The following ERC2 variants were observed in gnomAD, a reference collection of about 807,000 sequenced individuals.
ERC2 encodes ERC protein 2.
ERC2 carries 42 observed loss-of-function variants against 114.8 expected under a neutral mutation model. The ratio of observed to expected loss-of-function variants is 0.37; its 90% CI spans 0.29 to 0.47. The LOEUF (loss-of-function observed/expected upper bound fraction) is 0.47, where lower values mean the gene tolerates loss of function less well. Ranked by LOEUF, ERC2 falls within the 20% of genes least tolerant of loss-of-function variation. The probability of loss-of-function intolerance (pLI) is 0.99; values close to 1 mark genes in which losing one functional copy is unlikely to be tolerated. For missense variants in ERC2, 939 were observed against 1,150.7 expected, an observed-to-expected ratio of 0.82 and a Z score of 2.66; for synonymous variants, 454 against 425.5, an observed-to-expected ratio of 1.07 and a Z score of -0.82.
At chr3:56,115,000 G>T (rs2079149127) in intron 6 of ERC2, among the ~76,000 whole-genome samples, 1 of 152,130 alleles carries the variant, frequency 6.6e-6, no homozygotes, top group African/African-American at 2.4e-5. Context: ...CCAATTCCTT[G>T]TATGGATAAC....
chr3:55,838,675 T>A (rs961102034), intron 14 of ERC2, among the ~76,000 whole-genome samples: 1 of 151,602 alleles, frequency 6.6e-6, no homozygotes, highest in African/African-American at 2.4e-5. Flanking sequence ...TTTGAAAAGA[T>A]CACTTAAGTT....
At chr3:55,954,108 AAAAAG>A (rs2067774912) in intron 12 of ERC2, among the ~76,000 whole-genome samples, 1 of 138,838 alleles carries the variant, frequency 7.2e-6, no homozygotes, top group Non-Finnish European at 1.6e-5. Flanking sequence ...AAAAAAAAAA[AAAAAG>A]GTTTCTTTGG....
chr3:56,177,749 T>A (rs2083058702), intron 3 of ERC2, among the ~76,000 whole-genome samples: 1 of 152,238 alleles, frequency 6.6e-6, no homozygotes, highest in Admixed American at 6.5e-5. Flanking sequence ...TTGGGTATGC[T>A]GCTTCCCCTC....
chr3:56,001,911 C>T (rs1345812346), intron 10 of ERC2, among the ~76,000 whole-genome samples: 3 of 152,022 alleles, frequency 2.0e-5, no homozygotes, highest in Non-Finnish European at 4.4e-5. Context: ...AGGGTGTTTT[C>T]GAGCTTGAAG....
intron 17 of ERC2, among the ~76,000 whole-genome samples, chr3:55,539,411 C>CT (rs1559619170): frequency 1.6e-4 from 8 of 49,054 alleles, no homozygotes; most frequent in African/African-American, 4.1e-4. Flanking sequence ...CTCTTTTTTT[C>CT]TTTCTTTTTT....
At chr3:55,790,198 C>T (rs1019972158) in intron 14 of ERC2, among the ~76,000 whole-genome samples, 2 of 152,126 alleles carry the variant, frequency 1.3e-5, no homozygotes, top group Non-Finnish European at 2.9e-5. Flanking sequence ...CCTTGCTCAT[C>T]TCTCAACACG....
At chr3:55,829,842 G>A (rs1559724731) in intron 14 of ERC2, among the ~76,000 whole-genome samples, 1 of 152,060 alleles carries the variant, frequency 6.6e-6, no homozygotes, top group Non-Finnish European at 1.5e-5. Context: ...TCGAACATTT[G>A]TGTCATTGGA....
At chr3:56,015,934 T>G (rs575128388) in intron 8 of ERC2, among the ~76,000 whole-genome samples, 1 of 152,348 alleles carries the variant, frequency 6.6e-6, no homozygotes, top group East Asian at 1.9e-4. Flanking sequence ...ACTGTGGTTT[T>G]GATTTGCATT....
At chr3:55,893,252 C>A (rs1221437793) in intron 13 of ERC2, among the ~76,000 whole-genome samples, 4 of 152,100 alleles carry the variant, frequency 2.6e-5, no homozygotes, top group Admixed American at 6.6e-5. Context: ...GGAACTTATT[C>A]CCCTGTTTAT....
At chr3:56,218,344 C>A (rs1440894992) in intron 3 of ERC2, among the ~76,000 whole-genome samples, 1 of 152,206 alleles carries the variant, frequency 6.6e-6, no homozygotes, top group Non-Finnish European at 1.5e-5. Context: ...TGAACAGACA[C>A]TTCTCAAAAG....
At chr3:55,524,513 T>TTG (rs1385679212) in intron 17 of ERC2, among the ~76,000 whole-genome samples, 1 of 151,156 alleles carries the variant, frequency 6.6e-6, no homozygotes, top group Non-Finnish European at 1.5e-5. Flanking sequence ...TTTTTTTTTT[T>TTG]TTTTTTTCAT....
In ERC2 at chr3:55,699,518, C is replaced by G; in HGVS notation, c.2713-6G>C. 7 of 1,596,496 alleles carry G rather than the reference C, an allele frequency of 4.4e-6. No homozygotes were observed. Among genetic ancestry groups the G allele is most frequent in the Non-Finnish European group, 6.0e-6 (7 of 1,168,132 alleles). Reference sequence around the variant, plus strand: ...AACTTCATTCTGTTCTGGGTCTGTGCAGAACAAAAACCAAGGAAGATTCCA... The same window carrying G: ...AACTTCATTCTGTTCTGGGTCTGTGGAGAACAAAAACCAAGGAAGATTCCA... On this transcript the variant is annotated splice_polypyrimidine_tract_variant and splice_region_variant and intron_variant, in intron 15 of 17. Transcript: ENST00000288221.
chr3:56,035,751 G>C (rs2074753611), intron 7 of ERC2, among the ~76,000 whole-genome samples: 1 of 152,152 alleles, frequency 6.6e-6, no homozygotes, highest in Non-Finnish European at 1.5e-5. Flanking sequence ...GGACTTCTCA[G>C]CCTCCAGAAA....
At chr3:56,277,965 T>A (rs1388916466) in intron 3 of ERC2, among the ~76,000 whole-genome samples, 3 of 152,122 alleles carry the variant, frequency 2.0e-5, no homozygotes, top group Non-Finnish European at 4.4e-5. Context: ...GACTGTGACT[T>A]CCTGTAAGGC....
intron 3 of ERC2, among the ~76,000 whole-genome samples, chr3:56,201,306 T>C (rs1490043184): frequency 3.3e-5 from 5 of 152,226 alleles, no homozygotes; most frequent in Admixed American, 6.5e-5. Context: ...ACTTGTCTCA[T>C]GGACGTTAAT....
chr3:55,743,594 A>AAC (rs2148946758), intron 14 of ERC2, among the ~76,000 whole-genome samples: 1 of 10,800 alleles, frequency 9.3e-5, no homozygotes, highest in Admixed American at 5.8e-4. Flanking sequence ...CTGATCCACC[A>AAC]AAAAAAAAAA....
intron 6 of ERC2, among the ~76,000 whole-genome samples, chr3:56,107,750 AAAGT>A (rs1274622059): frequency 1.3e-5 from 2 of 152,204 alleles, no homozygotes; most frequent in African/African-American, 4.8e-5. Context: ...TCAATCTAAC[AAAGT>A]AAGGGAAAAA....
chr3:56,303,217 T>C (rs145342752), intron 2 of ERC2, among the ~76,000 whole-genome samples: 175 of 152,334 alleles, frequency 1.1e-3, no homozygotes, highest in African/African-American at 3.9e-3. Flanking sequence ...GGAGCACAAA[T>C]AGAATTTTTT....
chr3:55,895,327 T>C (rs6774550), intron 13 of ERC2, among the ~76,000 whole-genome samples: 7,933 of 152,206 alleles, frequency 0.052, 732 homozygotes, highest in African/African-American at 0.18. Flanking sequence ...ATCCAGGTGA[T>C]TCCAAAATGC....
Sources: gnomAD v4.1 joint callset for allele counts (sites outside exome capture counted in the v4.1 genomes callset) on GRCh38, gnomAD v4.1.1 for gene constraint, MANE v1.5 for transcripts, NCBI Gene and HGNC (gene_info 2026-07-23, HGNC 2026-07-21) for gene names.